Variants in PARVB observed in about 807,000 individuals in gnomAD.
PARVB encodes the protein beta-parvin.
PARVB carries 46 observed loss-of-function variants against 47.0 expected under a neutral mutation model. That is an observed-to-expected ratio of 0.98 (90% CI 0.77 to 1.25). PARVB has a LOEUF of 1.25. Among genes scored for constraint, PARVB ranks in the 50% most tolerant of loss-of-function variants. The probability of loss-of-function intolerance (pLI) is 0.00; values close to 1 mark genes in which losing one functional copy is unlikely to be tolerated. For synonymous variants in PARVB, 196 were observed against 196.3 expected (o/e 1.00, Z 0.01); for missense variants, 473 against 471.6 (o/e 1.00, Z -0.03).
chr22:44,133,682 G>C (rs1462939652), intron 6 of PARVB, among the ~76,000 whole-genome samples: 3 of 152,208 alleles, frequency 2.0e-5, no homozygotes, highest in African/African-American at 7.2e-5. Flanking sequence ...AGGACTACAG[G>C]CACATGCCAC....
chr22:44,037,181 A>G (rs1357169675), intron 1 of PARVB, among the ~76,000 whole-genome samples: 9 of 152,060 alleles, frequency 5.9e-5, no homozygotes, highest in Admixed American at 4.6e-4. Context: ...AACAACAACA[A>G]AAAAAGAAAA....
At chr22:44,122,977 C>T (rs1159114262) in intron 4 of PARVB, among the ~76,000 whole-genome samples, 1 of 152,192 alleles carries the variant, frequency 6.6e-6, no homozygotes, top group Non-Finnish European at 1.5e-5. Flanking sequence ...GCAGATGTTA[C>T]AGAAACTAGA....
intron 7 of PARVB, chr22:44,139,880 A>G (rs765031886): frequency 1.8e-5 from 10 of 548,864 alleles, no homozygotes; most frequent in Non-Finnish European, 3.3e-5. Flanking sequence ...ATGTGCAAAT[A>G]GAGATGGTGA....
intron 12 of PARVB, among the ~76,000 whole-genome samples, chr22:44,165,929 G>A (rs1601711879): frequency 2.6e-5 from 4 of 152,224 alleles, no homozygotes; most frequent in African/African-American, 9.6e-5. Flanking sequence ...CACTGTCAGG[G>A]AGGAGAAATC....
intron 3 of PARVB, among the ~76,000 whole-genome samples, chr22:44,101,334 C>T (rs1314442310): frequency 3.3e-5 from 5 of 151,598 alleles, no homozygotes; most frequent in African/African-American, 7.3e-5. Context: ...GCATGAACCC[C>T]GGGGGGCGGA....
intron 1 of PARVB, among the ~76,000 whole-genome samples, chr22:44,071,838 AAT>A (rs1050898286): frequency 6.6e-6 from 1 of 152,262 alleles, no homozygotes; most frequent in Non-Finnish European, 1.5e-5. Flanking sequence ...GTAAAATGGC[AAT>A]AATCGGGGTA....
In PARVB at chr22:44,065,729, G is replaced by A. The variant is rs2051506198; in HGVS notation, c.113-28199G>A. On this transcript the variant is annotated intron_variant, in intron 1 of 12. Coordinates refer to ENST00000338758, the MANE Select transcript of PARVB (RefSeq NM_013327.5). The stretch of plus-strand genomic sequence containing the variant: ...TCTGAGTGAGAACATACGATGTTTG[G>A]TTTTCTATTCCTGAGTTACTTCACT... Among the ~76,000 whole-genome samples, 5 of 152,116 alleles carry A rather than the reference G, an allele frequency of 3.3e-5. No homozygotes were observed. The South Asian group carries it at 1.0e-3, about 32-fold the overall frequency.
intron 1 of PARVB, among the ~76,000 whole-genome samples, chr22:44,032,701 C>T (rs766532946): frequency 2.0e-5 from 3 of 152,148 alleles, no homozygotes; most frequent in Admixed American, 6.5e-5. Flanking sequence ...GAGGCATTGA[C>T]GCAGACACCA....
At chr22:43,999,835 A>G (rs1056606108) in intron 2 of PARVB, among the ~76,000 whole-genome samples, 19 of 47,086 alleles carry the variant, frequency 4.0e-4, no homozygotes, top group African/African-American at 1.7e-3. Flanking sequence ...CATCTATATG[A>G]AAAAAAAAAA....
intron 2 of PARVB, among the ~76,000 whole-genome samples, chr22:44,095,022 G>C (rs992094349): frequency 2.0e-5 from 3 of 151,676 alleles, no homozygotes; most frequent in African/African-American, 7.3e-5. Context: ...TATTGGCTGG[G>C]AGTGTAGGAG....
rs557230241 is a variant in PARVB, at chr22:44,079,855, G to T, written c.113-14073G>T. 2.6e-5 allele frequency among the ~76,000 whole-genome samples: 4 copies of T among 152,264 alleles called. No homozygotes were observed. In the East Asian group the frequency reaches 7.7e-4, roughly 29 times the overall value. ...AGGCAGGAGGATCGCTTGAACCCAG[G>T]ATGTGGTGGTTGAAGTGAGCCGAGA... On this transcript the variant is annotated intron_variant, in intron 1 of 12. Coordinates refer to ENST00000338758, the MANE Select transcript of PARVB (RefSeq NM_013327.5).
At chr22:44,081,306 G>T (rs1035140638) in intron 1 of PARVB, among the ~76,000 whole-genome samples, 1 of 152,130 alleles carries the variant, frequency 6.6e-6, no homozygotes, top group Non-Finnish European at 1.5e-5. Flanking sequence ...GAAGCAGGCC[G>T]GGTCCTCCTG....
At position 44,168,800 on chromosome 22, in the gene PARVB, TCCCCA is replaced by T; in HGVS notation, c.*132_*136del. The T allele has an allele frequency of 1.5e-6, 1 of 666,738 alleles. No homozygotes were observed. Among genetic ancestry groups the T allele is most frequent in the Non-Finnish European group, 2.7e-6 (1 of 369,566 alleles). 41.3% of individuals were successfully genotyped at this position (666,738 alleles called of 1,614,324 possible). A position where few individuals can be genotyped will look rare whatever the true frequency, so the allele number is the denominator to read the frequency against. ...CTGGTCCAAGCTGTGTTGACTGTCA[TCCCCA>T]CCCCACCCCTACCTCACGCCTGCCC... On this transcript the variant is annotated 3_prime_UTR_variant, in exon 13 of 13. Transcript: ENST00000338758.
At chr22:44,137,757 C>T (rs1405849049) in intron 7 of PARVB, among the ~76,000 whole-genome samples, 1 of 152,042 alleles carries the variant, frequency 6.6e-6, no homozygotes, top group South Asian at 2.1e-4. Flanking sequence ...GGGCATCTTC[C>T]CAGGGTGCTC....
At chr22:44,064,931 G>A (rs2051489576) in intron 1 of PARVB, among the ~76,000 whole-genome samples, 1 of 152,210 alleles carries the variant, frequency 6.6e-6, no homozygotes, top group Non-Finnish European at 1.5e-5. Context: ...GCCTTTGCAA[G>A]TTCTTTCCAC....
Position 44,155,914 on chromosome 22 carries a change from T to A in PARVB, c.844-2068T>A, listed in dbSNP as rs892366735. Among the ~76,000 whole-genome samples, 18 of 151,972 alleles carry A rather than the reference T, an allele frequency of 1.2e-4. No homozygotes were observed. The highest frequency in any genetic ancestry group is 3.1e-4 in the African/African-American group (13 of 41,362). On this transcript the variant is annotated intron_variant, in intron 10 of 12. Transcript: ENST00000338758. This position sits in a 1 kb window ranked among gnomAD's most constrained non-coding sequence, Gnocchi z 4.8. ...ATGCCTGCAATCCTAGCACTTTGGG[T>A]GGCCGAGGTGGGTGGATCATGAGGT...
At position 44,156,908 on chromosome 22, in the gene PARVB, T is replaced by A. The variant is rs536486319; in HGVS notation, c.844-1074T>A. ...GAATAGAGAATTGGGGGACAGAGTGTCACTTTGGTAACATGAAGAAGTTCT... is the reference window on the plus strand; with the variant it reads ...GAATAGAGAATTGGGGGACAGAGTGACACTTTGGTAACATGAAGAAGTTCT... On this transcript the variant is annotated intron_variant, in intron 10 of 12. Coordinates refer to ENST00000338758, the MANE Select transcript of PARVB (RefSeq NM_013327.5). Among the ~76,000 whole-genome samples, 552 of 152,204 alleles carry A rather than the reference T, an allele frequency of 3.6e-3. 3 individuals carry two copies. The highest frequency in any genetic ancestry group is 0.013 in the African/African-American group (521 of 41,524).
chr22:44,119,999 C>A, intron 4 of PARVB: 2 of 400,782 alleles, frequency 5.0e-6, no homozygotes, highest in Non-Finnish European at 5.0e-6. Flanking sequence ...ATGCCTGGCA[C>A]TGTCATGTCT....
At chr22:44,148,826 T>G (rs746473795) in intron 9 of PARVB, 2 of 152,234 alleles carry the variant, frequency 1.3e-5, no homozygotes, top group Admixed American at 6.5e-5. Flanking sequence ...AATGTTGGCC[T>G]GGGTTTGGAC....
Sources: gnomAD v4.1 joint callset for allele counts (sites outside exome capture counted in the v4.1 genomes callset) on GRCh38, gnomAD v4.1.1 for gene constraint, Gnocchi (gnomAD v3.1) non-coding constraint, MANE v1.5 for transcripts, NCBI Gene and HGNC (gene_info 2026-07-23, HGNC 2026-07-21) for gene names.